The following NFATC3 variants were observed in gnomAD, a reference collection of about 807,000 sequenced individuals.
NFATC3 encodes nuclear factor of activated T cells 3.
A neutral mutation model predicts 98.6 loss-of-function variants in NFATC3; 46 were observed. The observed-to-expected ratio is 0.47, with a 90% CI of 0.37 to 0.60. The LOEUF is 0.60. Among genes scored for constraint, NFATC3 ranks in the 20% least tolerant of loss-of-function variants. The pLI, the probability that NFATC3 is intolerant of heterozygous loss-of-function variation, is 0.00. For missense variants in NFATC3, 1,256 were observed against 1,295.5 expected (o/e 0.97, Z 0.47); for synonymous variants, 512 against 472.2 (o/e 1.08, Z -1.09).
intron 1 of NFATC3, among the ~76,000 whole-genome samples, chr16:68,117,435 A>G (rs868476903): frequency 6.6e-6 from 1 of 152,138 alleles, no homozygotes; most frequent in African/African-American, 2.4e-5. Flanking sequence ...CCTCTCCCTG[A>G]GCACCCCTAG....
In NFATC3 at chr16:68,174,420, C is replaced by G; in HGVS notation, c.1821C>G (p.Ile607Met). Residue 607 changes from isoleucine (I) to methionine (M), a missense_variant, in exon 6 of 10, where the codon ATC becomes ATG. This residue lies in a region of NFATC3 where 636 missense variants were observed against 617.3 expected (regional missense o/e 1.03). Coordinates refer to ENST00000346183, the MANE Select transcript of NFATC3 (RefSeq NM_173165.3). Reference sequence around the variant, plus strand: ...TTCCTCATATTGAGAAGTACAGTATCAACAGTTGTTCTGTAAATGGAGGTC... The same window carrying G: ...TTCCTCATATTGAGAAGTACAGTATGAACAGTTGTTCTGTAAATGGAGGTC... Reference protein sequence around the residue: ...QELPHIEKYSINSCSVNGGHE... With the variant: ...QELPHIEKYSMNSCSVNGGHE... 1 of 1,603,096 alleles carries G rather than the reference C, an allele frequency of 6.2e-7. No homozygotes were observed. Among genetic ancestry groups the G allele is most frequent in the East Asian group, 2.2e-5 (1 of 44,474 alleles).
chr16:68,166,922 A>G lies in NFATC3; in HGVS notation c.1681A>G (p.Asn561Asp). 1 of 1,614,200 alleles carries G rather than the reference A, an allele frequency of 6.2e-7. No individual in the cohort carries two copies. The highest frequency in any genetic ancestry group is 8.5e-7 in the Non-Finnish European group (1 of 1,180,014). ...RKGETDIGRK[N>D]TRVRLVFRVH... ...AGGAGAAACTGATATTGGCAGAAAG[A>G]ATACTAGAGTACGACTTGTGTTTCG... The change falls in exon 5 of 10, where the codon AAT becomes GAT. Residue 561 changes from asparagine to aspartate, a missense_variant. Transcript: ENST00000346183.
intron 1 of NFATC3, among the ~76,000 whole-genome samples, chr16:68,117,908 C>G (rs1015811440): frequency 2.0e-5 from 3 of 152,168 alleles, no homozygotes; most frequent in East Asian, 1.9e-4. Context: ...TGAAGTTGTT[C>G]TCATATATAA....
At chr16:68,163,392 C>T (rs571746591) in intron 4 of NFATC3, among the ~76,000 whole-genome samples, 183 of 148,388 alleles carry the variant, frequency 1.2e-3, no homozygotes, top group Admixed American at 2.4e-3. Flanking sequence ...CCCTCCCGGA[C>T]GGGGCGGCTG....
chr16:68,134,983 C>CT lies in NFATC3; in HGVS notation c.1401+8383dup, dbSNP rs138198329. On this transcript the variant is annotated intron_variant, in intron 3 of 9. Transcript: ENST00000346183. ...TTATTAAATTGGACTGATACAGTCT[C>CT]TTTTTTTTTTATCGTTTATGGTTAG... Among the ~76,000 whole-genome samples the CT allele has an allele frequency of 6.0e-3, 894 of 148,088 alleles. 6 individuals carry two copies. Among genetic ancestry groups the CT allele is most frequent in the Non-Finnish European group, 7.7e-3 (513 of 66,730 alleles).
chr16:68,193,174 T>C (rs1221349621), intron 9 of NFATC3, among the ~76,000 whole-genome samples: 1 of 152,116 alleles, frequency 6.6e-6, no homozygotes, highest in Non-Finnish European at 1.5e-5. Flanking sequence ...TTATAAATAA[T>C]GTAGATATGA....
chr16:68,126,875 C>T (rs111339124), intron 3 of NFATC3, among the ~76,000 whole-genome samples: 2,432 of 152,160 alleles, frequency 0.016, 21 homozygotes, highest in Non-Finnish European at 0.025. Context: ...TTCTGACAAA[C>T]AAATATGGCC....
In NFATC3 at chr16:68,228,028, C is replaced by T. The variant is rs757652417; in HGVS notation, c.*1557C>T. 3 of 152,200 alleles carry T rather than the reference C, an allele frequency of 2.0e-5. No homozygotes were observed. Among genetic ancestry groups the T allele is most frequent in the Non-Finnish European group, 2.9e-5 (2 of 68,062 alleles). 9.4% of individuals were successfully genotyped at this position (152,200 alleles called of 1,614,324 possible). A position where few individuals can be genotyped will look rare whatever the true frequency, so the allele number is the denominator to read the frequency against. On this transcript the variant is annotated 3_prime_UTR_variant, in exon 10 of 10. Transcript: ENST00000346183. ...TGCAGGCCCTTGATGCCAGGACTCT[C>T]TCTACTAAGGCCAGTTCAGGTCTGG...
intron 9 of NFATC3, among the ~76,000 whole-genome samples, chr16:68,206,318 G>A (rs200332276): frequency 6.6e-6 from 1 of 152,028 alleles, no homozygotes; most frequent in East Asian, 1.9e-4. Flanking sequence ...TCACAATATT[G>A]TATAACCACC....
intron 2 of NFATC3, among the ~76,000 whole-genome samples, chr16:68,125,413 A>T (rs530562344): frequency 6.6e-6 from 1 of 152,348 alleles, no homozygotes; most frequent in Non-Finnish European, 1.5e-5. Flanking sequence ...TGTCTTACTG[A>T]TAAAGTAAAA....
chr16:68,123,064 C>T lies in NFATC3; in HGVS notation c.1181C>T (p.Ser394Leu). The T allele has an allele frequency of 2.5e-6, 4 of 1,610,366 alleles. No homozygotes were observed. Among genetic ancestry groups the T allele is most frequent in the Non-Finnish European group, 1.7e-6 (2 of 1,180,008 alleles). Residue 394 changes from serine to leucine, a missense_variant, in exon 2 of 10, where the codon TCA becomes TTA. Physicochemically the swap from Ser to Leu is moderately radical, Grantham distance 145. Around this residue, in one of 3 missense-constraint regions of NFATC3, gnomAD observed 156 missense variants for 212.4 expected, o/e 0.73. Transcript: ENST00000346183. ...GATTCATGTGGTGATCAGTTTCTTT[C>T]AGTTCCTTCACCCTTTACCTGGAGC... ...KKDSCGDQFL[S>L]VPSPFTWSKP...
intron 3 of NFATC3, among the ~76,000 whole-genome samples, chr16:68,145,202 G>GATGC (rs1567519415): frequency 1.3e-5 from 2 of 150,772 alleles, no homozygotes; most frequent in African/African-American, 4.9e-5. Context: ...GGAGTGCAGT[G>GATGC]ATGCGATCTC....
rs960009074 is a variant in NFATC3 at position 68,149,028 on chromosome 16, G to T, written c.1402-8841G>T. Among the ~76,000 whole-genome samples the T allele has an allele frequency of 9.9e-5, 15 of 152,030 alleles. 1 individual carries two copies. The highest frequency in any genetic ancestry group is 3.6e-4 in the African/African-American group (15 of 41,390). ...AAAAAAATTAAATTGAATTTAAAAA[G>T]GACTTAAATTTCCCAGATGTTTCTT... On this transcript the variant is annotated intron_variant, in intron 3 of 9. Coordinates refer to ENST00000346183, the MANE Select transcript of NFATC3 (RefSeq NM_173165.3).
In NFATC3 at chr16:68,174,407, A is replaced by G. The variant is rs1305073949; in HGVS notation, c.1808A>G (p.Glu603Gly). The G allele has an allele frequency of 6.4e-7, 1 of 1,570,832 alleles. No homozygotes were observed. The highest frequency in any genetic ancestry group is 8.6e-7 in the Non-Finnish European group (1 of 1,159,816). The stretch of plus-strand genomic sequence containing the variant: ...TCTGCTCAAGAACTTCCTCATATTG[A>G]GAAGTACAGTATCAACAGTTGTTCT... ...QRSAQELPHI[E>G]KYSINSCSVN... The change falls in exon 6 of 10, where the codon GAG becomes GGG. Residue 603 changes from glutamate (E) to glycine (G), a missense_variant. Coordinates refer to ENST00000346183, the MANE Select transcript of NFATC3 (RefSeq NM_173165.3).
intron 3 of NFATC3, among the ~76,000 whole-genome samples, chr16:68,157,214 C>T (rs2038665535): frequency 6.6e-6 from 1 of 151,316 alleles, no homozygotes; most frequent in African/African-American, 2.4e-5. Context: ...CTCTGTCTCT[C>T]TCTCCTTCTC....
intron 3 of NFATC3, among the ~76,000 whole-genome samples, chr16:68,133,008 G>A (rs1386579694): frequency 1.3e-5 from 2 of 152,158 alleles, no homozygotes; most frequent in African/African-American, 4.8e-5. Context: ...GCTCACACCT[G>A]TAATCCCAGC....
chr16:68,216,077 G>A (rs1229402640), intron 9 of NFATC3, among the ~76,000 whole-genome samples: 4 of 152,092 alleles, frequency 2.6e-5, no homozygotes, highest in Admixed American at 6.6e-5. Flanking sequence ...GAGACAAGTT[G>A]ATAGAGACAA....
chr16:68,194,743 C>A (rs186839756), intron 9 of NFATC3, among the ~76,000 whole-genome samples: 12 of 152,186 alleles, frequency 7.9e-5, no homozygotes, highest in Admixed American at 2.0e-4. Context: ...AAAGCTAGAA[C>A]CTGCTCTTTC....
At chr16:68,149,228 C>T (rs974810355) in intron 3 of NFATC3, among the ~76,000 whole-genome samples, 5 of 152,122 alleles carry the variant, frequency 3.3e-5, no homozygotes, top group African/African-American at 1.2e-4. Context: ...AGTCTGCATA[C>T]TGAAGAGTGA....
Sources: gnomAD v4.1 joint callset for allele counts (sites outside exome capture counted in the v4.1 genomes callset) on GRCh38, gnomAD v4.1.1 for gene constraint, gnomAD v4.1.1 regional missense constraint, MANE v1.5 for transcripts, NCBI Gene and HGNC (gene_info 2026-07-23, HGNC 2026-07-21) for gene names.